The following GRM7 variants were observed in gnomAD, a reference collection of about 807,000 sequenced individuals.
GRM7 encodes metabotropic glutamate receptor 7.
In GRM7, 35 loss-of-function variants were observed where a neutral mutation model predicts 84.5. That is an observed-to-expected ratio of 0.41 (90% CI 0.32 to 0.55). The LOEUF is 0.55. GRM7 is among the 20% of genes least tolerant of loss of function. The probability of loss-of-function intolerance (pLI) is 0.19; values close to 1 mark genes in which losing one functional copy is unlikely to be tolerated. For synonymous variants in GRM7, 487 were observed against 455.1 expected (o/e 1.07, Z -0.89); for missense variants, 1,003 against 1,194.6 (o/e 0.84, Z 2.36).
At chr3:7,366,391 A>G (rs767921173) in intron 4 of GRM7, among the ~76,000 whole-genome samples, 33 of 151,916 alleles carry the variant, frequency 2.2e-4, no homozygotes, top group Non-Finnish European at 2.8e-4. Flanking sequence ...TTTTAAAATT[A>G]TAATCATTGG....
In GRM7 at chr3:7,427,324, T is replaced by C. The variant is rs1696651071; in HGVS notation, c.1174+12161T>C. On this transcript the variant is annotated intron_variant, in intron 5 of 9. Coordinates refer to ENST00000357716, the MANE Select transcript of GRM7 (RefSeq NM_000844.4). ...CTTCTCTGCATTGATCATTGTTACG[T>C]TCAGTGCTCTTATGTTATGCTCTTA... 3.3e-5 allele frequency among the ~76,000 whole-genome samples: 5 copies of C among 152,316 alleles called. No homozygotes were observed. The South Asian group carries it at 1.0e-3, about 32-fold the overall frequency.
intron 1 of GRM7, among the ~76,000 whole-genome samples, chr3:7,076,364 G>A (rs1308010103): frequency 1.3e-5 from 2 of 152,106 alleles, no homozygotes; most frequent in Non-Finnish European, 2.9e-5. Flanking sequence ...TTGGTGGGAG[G>A]TGATTGGATC....
chr3:6,886,488 G>GTAT (rs1409577222), intron 1 of GRM7, among the ~76,000 whole-genome samples: 11 of 152,124 alleles, frequency 7.2e-5, no homozygotes, highest in Non-Finnish European at 1.2e-4. Context: ...AGAACTTAAA[G>GTAT]TATAATAATA....
intron 1 of GRM7, among the ~76,000 whole-genome samples, chr3:6,942,926 G>T (rs778354491): frequency 6.6e-6 from 1 of 152,020 alleles, no homozygotes; most frequent in Non-Finnish European, 1.5e-5. Context: ...GAGTATGCAT[G>T]GAGTGATATC....
At chr3:7,432,355 C>G (rs1696864596) in intron 5 of GRM7, among the ~76,000 whole-genome samples, 1 of 152,184 alleles carries the variant, frequency 6.6e-6, no homozygotes, top group Admixed American at 6.5e-5. Flanking sequence ...GATTCTTGCT[C>G]TGTTGCCCAG....
At chr3:6,923,180 A>G (rs1315782470) in intron 1 of GRM7, among the ~76,000 whole-genome samples, 1 of 151,838 alleles carries the variant, frequency 6.6e-6, no homozygotes, top group Non-Finnish European at 1.5e-5. Context: ...ATGCCTGGCT[A>G]ATTTTTGTAT....
intron 7 of GRM7, among the ~76,000 whole-genome samples, chr3:7,578,188 T>C (rs1222702281): frequency 6.6e-6 from 1 of 152,102 alleles, no homozygotes; most frequent in Admixed American, 6.6e-5. Flanking sequence ...TTGTATTGCC[T>C]CAGGGAATTC....
intron 2 of GRM7, among the ~76,000 whole-genome samples, chr3:7,180,245 C>T (rs1254754676): frequency 6.6e-6 from 1 of 152,168 alleles, no homozygotes; most frequent in East Asian, 1.9e-4. Flanking sequence ...ACAAATCATC[C>T]TCTTGTTAAT....
At chr3:7,571,681 A>G (rs528761851) in intron 7 of GRM7, among the ~76,000 whole-genome samples, 136 of 152,216 alleles carry the variant, frequency 8.9e-4, no homozygotes, top group African/African-American at 3.2e-3. Context: ...ACCTCTGCCT[A>G]TTACCCAGTT....
intron 2 of GRM7, among the ~76,000 whole-genome samples, chr3:7,161,277 C>G (rs1694615695): frequency 6.6e-6 from 1 of 151,978 alleles, no homozygotes; most frequent in Non-Finnish European, 1.5e-5. Context: ...CTACCCTGCT[C>G]CAAGTATAAA....
chr3:7,438,770 T>C (rs1697163575), intron 5 of GRM7, among the ~76,000 whole-genome samples: 1 of 152,148 alleles, frequency 6.6e-6, no homozygotes, highest in Non-Finnish European at 1.5e-5. Flanking sequence ...TCTGTATTTG[T>C]TCATCAGAGT....
chr3:6,972,653 A>G (rs1693804652), intron 1 of GRM7, among the ~76,000 whole-genome samples: 2 of 152,174 alleles, frequency 1.3e-5, no homozygotes, highest in Admixed American at 6.5e-5. Flanking sequence ...GGGGCATTAG[A>G]CTGTGCTTTA....
At chr3:7,251,961 C>CT (rs1698008088) in intron 2 of GRM7, among the ~76,000 whole-genome samples, 1 of 152,092 alleles carries the variant, frequency 6.6e-6, no homozygotes, top group Non-Finnish European at 1.5e-5. Context: ...AAAACAAAGC[C>CT]TTTTTTCCAA....
chr3:7,118,186 G>C (rs1252762320), intron 1 of GRM7, among the ~76,000 whole-genome samples: 1 of 152,044 alleles, frequency 6.6e-6, no homozygotes, highest in Admixed American at 6.6e-5. Context: ...AGGAGCTAGA[G>C]ACCAGCCTGG....
At chr3:7,220,551 C>T (rs1458534000) in intron 2 of GRM7, among the ~76,000 whole-genome samples, 4 of 152,080 alleles carry the variant, frequency 2.6e-5, no homozygotes, top group Non-Finnish European at 4.4e-5. Flanking sequence ...GAGACAAGAT[C>T]ACTAACTGTA....
intron 2 of GRM7, among the ~76,000 whole-genome samples, chr3:7,260,387 T>G (rs2124956781): frequency 6.6e-6 from 1 of 152,284 alleles, no homozygotes; most frequent in African/African-American, 2.4e-5. Flanking sequence ...CGGTATTGCC[T>G]AGGTTGCCTT....
At chr3:7,683,961 A>C (rs1700478868) in intron 9 of GRM7, among the ~76,000 whole-genome samples, 1 of 152,190 alleles carries the variant, frequency 6.6e-6, no homozygotes. Flanking sequence ...AAAACATTTG[A>C]GATGAGACAA....
intron 3 of GRM7, among the ~76,000 whole-genome samples, chr3:7,302,091 A>C (rs979218788): frequency 6.6e-6 from 1 of 152,020 alleles, no homozygotes; most frequent in African/African-American, 2.4e-5. Flanking sequence ...AAGTTTTTTT[A>C]TTGTTTTTTT....
In GRM7 at chr3:7,529,912, CTT is replaced by C. The variant is rs58585620; in HGVS notation, c.1516-48497_1516-48496del. 2.3e-3 allele frequency among the ~76,000 whole-genome samples: 321 copies of C among 140,090 alleles called. 1 individual carries two copies. The highest frequency in any genetic ancestry group is 0.011 in the Middle Eastern group (3 of 264). The allele number at this position is 140,090 out of a possible 152,430, so 91.9% of individuals were successfully genotyped here. ...AGACCACTGGCTGTTAGGACCTTTT[CTT>C]TTTTTTTTTTTTGTCAGTTCAACAT... is the stretch of plus-strand genomic sequence containing the variant. On this transcript the variant is annotated intron_variant, in intron 7 of 9. Coordinates refer to ENST00000357716, the MANE Select transcript of GRM7 (RefSeq NM_000844.4).
Sources: gnomAD v4.1 joint callset for allele counts (sites outside exome capture counted in the v4.1 genomes callset) on GRCh38, gnomAD v4.1.1 for gene constraint, MANE v1.5 for transcripts, NCBI Gene and HGNC (gene_info 2026-07-23, HGNC 2026-07-21) for gene names.